The following CNTN3 variants were observed in gnomAD, a reference collection of about 807,000 sequenced individuals.
The protein encoded by CNTN3 is contactin 3, also known as contactin-3.
CNTN3 carries 60 observed loss-of-function variants against 119.1 expected under a neutral mutation model. That is an observed-to-expected ratio of 0.50 (90% CI 0.41 to 0.62). The LOEUF is 0.62. CNTN3 is among the 20% of genes least tolerant of loss of function. CNTN3 has a pLI of 0.00. For synonymous variants in CNTN3, 450 were observed against 438.7 expected, an observed-to-expected ratio of 1.03 and a Z score of -0.32; for missense variants, 1,101 against 1,242.4, an observed-to-expected ratio of 0.89 and a Z score of 1.71.
rs373869660 is a variant in CNTN3 at position 74,285,324 on chromosome 3, A to G, written c.2685T>C (p.Asn895=). 7.1e-5 allele frequency: 114 copies of G among 1,606,650 alleles called. No individual in the cohort carries two copies. The highest frequency in any genetic ancestry group is 9.0e-5 in the Non-Finnish European group (106 of 1,177,824). The change falls in exon 20 of 23, where the codon AAT becomes AAC. Residue 895 remains asparagine, a synonymous_variant. Transcript: ENST00000263665. ...AGAGPFSATV[N]VTTKKTPPSQ... ...ACTTACGCGTTTTCTTGGTGGTTACATTAACTGTGGCGCTAAAAGGCCCAG... is the reference window on the plus strand; with the variant it reads ...ACTTACGCGTTTTCTTGGTGGTTACGTTAACTGTGGCGCTAAAAGGCCCAG...
chr3:74,574,200 G>A (rs10865685), intron 1 of CNTN3, among the ~76,000 whole-genome samples: 112,787 of 152,074 alleles, frequency 0.74, 42,213 homozygotes, highest in Non-Finnish European at 0.79. Flanking sequence ...AAAAGGCCAC[G>A]TATTTTATGA....
intron 2 of CNTN3, among the ~76,000 whole-genome samples, chr3:74,515,195 A>T (rs753632278): frequency 5.3e-5 from 8 of 152,052 alleles, no homozygotes; most frequent in Non-Finnish European, 1.0e-4. Context: ...GAAAATTTTT[A>T]AAACTCAGAG....
intron 5 of CNTN3, among the ~76,000 whole-genome samples, chr3:74,398,335 A>T (rs1705107413): frequency 6.6e-6 from 1 of 152,202 alleles, no homozygotes; most frequent in African/African-American, 2.4e-5. Context: ...AGCAGCCATT[A>T]ACACTGAAGC....
intron 1 of CNTN3, among the ~76,000 whole-genome samples, chr3:74,574,110 A>G (rs1161298111): frequency 2.0e-5 from 3 of 152,238 alleles, no homozygotes; most frequent in Non-Finnish European, 4.4e-5. Context: ...AATATTATTC[A>G]GCCATAAAAA....
intron 16 of CNTN3, 134 bp downstream of exon 16, chr3:74,301,264 G>A: frequency 1.1e-6 from 1 of 877,666 alleles, no homozygotes; most frequent in East Asian, 2.5e-5. Flanking sequence ...GGCCAGTTCT[G>A]CCATTAGAAA....
chr3:74,433,298 C>T (rs569637947), intron 4 of CNTN3, among the ~76,000 whole-genome samples: 22 of 152,174 alleles, frequency 1.4e-4, no homozygotes, highest in African/African-American at 4.6e-4. Context: ...ACTGTCTACC[C>T]GCTCTGCAAA....
chr3:74,317,922 C>T (rs1343975283), intron 13 of CNTN3, among the ~76,000 whole-genome samples: 1 of 152,176 alleles, frequency 6.6e-6, no homozygotes. Context: ...GGATAATATC[C>T]TGCAGAGTGT....
At chr3:74,530,112 G>T (rs1434166960) in intron 1 of CNTN3, among the ~76,000 whole-genome samples, 1 of 151,976 alleles carries the variant, frequency 6.6e-6, no homozygotes, top group Non-Finnish European at 1.5e-5. Flanking sequence ...CACAGAGAAA[G>T]AATATTTTAA....
chr3:74,347,414 T>C (rs1205058312), intron 11 of CNTN3, among the ~76,000 whole-genome samples: 3 of 152,118 alleles, frequency 2.0e-5, no homozygotes, highest in Admixed American at 6.5e-5. Flanking sequence ...GGTAATTTTT[T>C]ACACTTCTTG....
chr3:74,267,532 A>G, intron 20 of CNTN3, 154 bp from the exon 21 acceptor site: 1 of 544,548 alleles, frequency 1.8e-6, no homozygotes, highest in Non-Finnish European at 3.3e-6. Flanking sequence ...AAAAAATAAC[A>G]GAGTATATAA....
chr3:74,298,885 C>G (rs1254747764), intron 17 of CNTN3, among the ~76,000 whole-genome samples: 1 of 85,892 alleles, frequency 1.2e-5, no homozygotes, highest in African/African-American at 7.9e-5. Flanking sequence ...GAGACTCCAT[C>G]AAGGAAAAAA....
At chr3:74,274,385 C>G (rs575430214) in intron 20 of CNTN3, among the ~76,000 whole-genome samples, 3 of 152,232 alleles carry the variant, frequency 2.0e-5, no homozygotes, top group Admixed American at 2.0e-4. Context: ...AAGCTAAGGG[C>G]CTTACAGAGT....
At chr3:74,276,409 A>C (rs1701880421) in intron 20 of CNTN3, among the ~76,000 whole-genome samples, 1 of 152,152 alleles carries the variant, frequency 6.6e-6, no homozygotes, top group African/African-American at 2.4e-5. Flanking sequence ...GCTTCAATAA[A>C]TTTTAAAAAA....
chr3:74,437,422 A>G (rs1473513870), intron 4 of CNTN3, among the ~76,000 whole-genome samples: 1 of 152,110 alleles, frequency 6.6e-6, no homozygotes, highest in Non-Finnish European at 1.5e-5. Flanking sequence ...AGATCGCACC[A>G]CTGCACTCCA....
At chr3:74,425,628 T>C (rs188931116) in intron 4 of CNTN3, among the ~76,000 whole-genome samples, 88 of 152,298 alleles carry the variant, frequency 5.8e-4, no homozygotes, top group Middle Eastern at 6.8e-3. Context: ...AACATAAATA[T>C]GACTTTCACA....
chr3:74,381,726 T>A (rs1704629023), intron 5 of CNTN3, among the ~76,000 whole-genome samples: 1 of 152,180 alleles, frequency 6.6e-6, no homozygotes, highest in Non-Finnish European at 1.5e-5. Flanking sequence ...TATGACTCTG[T>A]AGAAAAGTCT....
intron 3 of CNTN3, among the ~76,000 whole-genome samples, chr3:74,498,894 T>A (rs1349086089): frequency 6.6e-6 from 1 of 151,790 alleles, no homozygotes; most frequent in African/African-American, 2.4e-5. Flanking sequence ...CAGCATGTAA[T>A]TTATAAATAA....
intron 10 of CNTN3, 91 bp downstream of exon 10, chr3:74,364,376 C>A (rs920824531): frequency 2.9e-5 from 35 of 1,201,336 alleles, no homozygotes; most frequent in Non-Finnish European, 3.9e-5. Flanking sequence ...GATGTAGGAA[C>A]CTAATGTGAA....
chr3:74,409,013 G>T (rs1047646143), intron 5 of CNTN3, among the ~76,000 whole-genome samples: 4 of 152,072 alleles, frequency 2.6e-5, no homozygotes, highest in Admixed American at 2.6e-4. Context: ...CAGCTTAGAA[G>T]AAGCAGTCTT....
Sources: allele counts gnomAD v4.1 joint callset (sites outside exome capture counted in the v4.1 genomes callset), GRCh38; gene constraint gnomAD v4.1.1; transcripts MANE v1.5; gene names NCBI Gene and HGNC (gene_info 2026-07-23, HGNC 2026-07-21).